The following CDH8 variants were observed in gnomAD, a reference collection of about 807,000 sequenced individuals.
The protein encoded by CDH8 is cadherin-8.
A neutral mutation model predicts 68.1 loss-of-function variants in CDH8; 17 were observed. That is an observed-to-expected ratio of 0.25 (90% CI 0.17 to 0.37). The LOEUF is 0.37. Ranked by LOEUF, CDH8 falls within the 10% of genes least tolerant of loss-of-function variation. CDH8 has a pLI of 1.00. For missense variants in CDH8, 763 were observed against 999.3 expected (o/e 0.76, Z 3.19); for synonymous variants, 372 against 365.1 (o/e 1.02, Z -0.21).
chr16:61,768,872 A>C (rs1960705708), intron 8 of CDH8, among the ~76,000 whole-genome samples: 1 of 151,866 alleles, frequency 6.6e-6, no homozygotes, highest in South Asian at 2.1e-4. Flanking sequence ...TAATTGAGAA[A>C]ATAAATAACT....
At chr16:61,846,436 TATTCACTTAATTGAAAATA>T (rs1386555838) in intron 4 of CDH8, among the ~76,000 whole-genome samples, 1 of 152,134 alleles carries the variant, frequency 6.6e-6, no homozygotes, top group East Asian at 1.9e-4. Flanking sequence ...AATAAGTATC[TATTCACTTAATTGAAAATA>T]ATTCACTTAA....
At chr16:61,868,693 C>T (rs758049916) in intron 3 of CDH8, among the ~76,000 whole-genome samples, 2 of 152,090 alleles carry the variant, frequency 1.3e-5, no homozygotes, top group South Asian at 2.1e-4. Context: ...GTCATGTCAG[C>T]ACTCAAAAAC....
intron 4 of CDH8, among the ~76,000 whole-genome samples, chr16:61,839,728 G>A (rs1405357766): frequency 6.6e-6 from 1 of 152,028 alleles, no homozygotes; most frequent in African/African-American, 2.4e-5. Flanking sequence ...TTAAAGCCAT[G>A]GAGAGAGCAC....
intron 3 of CDH8, among the ~76,000 whole-genome samples, chr16:61,886,803 G>C (rs914337483): frequency 6.6e-6 from 1 of 152,180 alleles, no homozygotes; most frequent in Admixed American, 6.6e-5. Context: ...CATCCTCCTA[G>C]TTTTCCTGGC....
At position 61,651,145 on chromosome 16, in the gene CDH8, G is replaced by T. The variant is rs539437434; in HGVS notation, c.*2463C>A. ...GCACTTCAAAGTACACTAGAAATGA[G>T]TCTGGTGTTCAAGAGATACATAAAA... On this transcript the variant is annotated 3_prime_UTR_variant, in exon 12 of 12. Transcript: ENST00000577390. 1 of 152,192 alleles carries T rather than the reference G, an allele frequency of 6.6e-6. No individual in the cohort carries two copies. The highest frequency in any genetic ancestry group is 2.4e-5 in the African/African-American group (1 of 41,530). 9.4% of individuals were successfully genotyped at this position (152,192 alleles called of 1,614,324 possible).
chr16:61,702,143 C>G (rs1294331340), intron 10 of CDH8, among the ~76,000 whole-genome samples: 1 of 152,144 alleles, frequency 6.6e-6, no homozygotes, highest in African/African-American at 2.4e-5. Context: ...GAGGCCGAGG[C>G]AGGCGGATCA....
At chr16:61,771,521 G>A (rs1018370599) in intron 8 of CDH8, among the ~76,000 whole-genome samples, 1 of 142,334 alleles carries the variant, frequency 7.0e-6, no homozygotes, top group Non-Finnish European at 1.5e-5. Context: ...TTTCTTTACA[G>A]TGTATTAGGG....
chr16:61,714,109 G>T, intron 9 of CDH8, 151 bp from the exon 10 acceptor site: 1 of 648,346 alleles, frequency 1.5e-6, no homozygotes, highest in Non-Finnish European at 2.8e-6. Context: ...TTTGTGCCAA[G>T]AATAAGGAGA....
chr16:61,898,231 C>T (rs759666446), intron 3 of CDH8, among the ~76,000 whole-genome samples: 7 of 151,692 alleles, frequency 4.6e-5, no homozygotes, highest in Non-Finnish European at 7.4e-5. Flanking sequence ...AACAGGGAGG[C>T]GGAGTTTGCA....
intron 2 of CDH8, among the ~76,000 whole-genome samples, chr16:61,982,250 C>T (rs1406027043): frequency 6.6e-6 from 1 of 151,902 alleles, no homozygotes; most frequent in Non-Finnish European, 1.5e-5. Flanking sequence ...GACAGAGTCT[C>T]GCTCTATCGC....
intron 7 of CDH8, among the ~76,000 whole-genome samples, chr16:61,791,827 T>G (rs1220514029): frequency 6.6e-6 from 1 of 152,060 alleles, no homozygotes; most frequent in African/African-American, 2.4e-5. Flanking sequence ...AGAACTCAAA[T>G]TTAGAGCAAA....
chr16:61,743,712 C>T (rs543111708), intron 8 of CDH8, among the ~76,000 whole-genome samples: 1 of 152,172 alleles, frequency 6.6e-6, no homozygotes, highest in South Asian at 2.1e-4. Context: ...ATTTTCTTCT[C>T]ATTTTCAGCC....
At chr16:61,673,681 T>A (rs183600260) in intron 10 of CDH8, among the ~76,000 whole-genome samples, 1 of 152,268 alleles carries the variant, frequency 6.6e-6, no homozygotes, top group African/African-American at 2.4e-5. Context: ...AGGCACATTC[T>A]CACTTTTTCA....
chr16:61,961,453 C>A (rs956421072), intron 2 of CDH8, among the ~76,000 whole-genome samples: 1 of 152,128 alleles, frequency 6.6e-6, no homozygotes, highest in Non-Finnish European at 1.5e-5. Context: ...CTTTCCTTGT[C>A]CTCTCTCTTT....
At chr16:61,722,662 C>T (rs906414444) in intron 9 of CDH8, among the ~76,000 whole-genome samples, 1 of 150,646 alleles carries the variant, frequency 6.6e-6, no homozygotes, top group African/African-American at 2.4e-5. Context: ...TTTGAAGTAT[C>T]TGTCATTGCT....
intron 2 of CDH8, among the ~76,000 whole-genome samples, chr16:61,916,063 C>T (rs1166925162): frequency 6.6e-6 from 1 of 152,194 alleles, no homozygotes; most frequent in Non-Finnish European, 1.5e-5. Flanking sequence ...TATAATGGCA[C>T]TGATTCAGTA....
chr16:61,857,783 CT>C (rs1391846999), intron 3 of CDH8, among the ~76,000 whole-genome samples: 4 of 152,058 alleles, frequency 2.6e-5, no homozygotes, highest in African/African-American at 7.2e-5. Flanking sequence ...GAATCATAAC[CT>C]TTTTTTCAAA....
Position 61,650,704 on chromosome 16 carries a change from T to TGAGAGAGAGAGA in CDH8, c.*2903_*2904insTCTCTCTCTCTC, listed in dbSNP as rs1429754072. 4 of 99,742 alleles carry TGAGAGAGAGAGA rather than the reference T, an allele frequency of 4.0e-5. No individual in the cohort carries two copies. Among genetic ancestry groups the TGAGAGAGAGAGA allele is most frequent in the East Asian group, 2.6e-4 (1 of 3,836 alleles). 6.2% of individuals were successfully genotyped at this position (99,742 alleles called of 1,614,324 possible). A position where few individuals can be genotyped will look rare whatever the true frequency, so the allele number is the denominator to read the frequency against. ...GTGTGTGTGTGTGTGTGTGTGTGTG[T>TGAGAGAGAGAGA]GTGAGAGAGAGAGAGAGAGAGAGAG... is the stretch of plus-strand genomic sequence containing the variant. On this transcript the variant is annotated 3_prime_UTR_variant, in exon 12 of 12. Transcript: ENST00000577390.
chr16:61,994,094 G>A (rs918663198), intron 2 of CDH8, among the ~76,000 whole-genome samples: 1 of 152,162 alleles, frequency 6.6e-6, no homozygotes, highest in East Asian at 1.9e-4. Context: ...CGATTAAGCT[G>A]TGGGGCTAAG....
Sources: gnomAD v4.1 joint callset for allele counts (sites outside exome capture counted in the v4.1 genomes callset) on GRCh38, gnomAD v4.1.1 for gene constraint, MANE v1.5 for transcripts, NCBI Gene and HGNC (gene_info 2026-07-23, HGNC 2026-07-21) for gene names.